Variants in FHIT observed in about 807,000 individuals in gnomAD.
The protein encoded by FHIT is fragile histidine triad diadenosine triphosphatase, also known as bis(5'-adenosyl)-triphosphatase.
FHIT carries 19 observed loss-of-function variants against 17.9 expected under a neutral mutation model. The ratio of observed to expected loss-of-function variants is 1.06; its 90% CI spans 0.74 to 1.56. The LOEUF (loss-of-function observed/expected upper bound fraction) is 1.56, where lower values mean the gene tolerates loss of function less well. FHIT is among the 40% of genes most tolerant of loss of function. FHIT has a pLI of 0.00. For missense variants in FHIT, 248 were observed against 189.2 expected (o/e 1.31, Z -1.82); for synonymous variants, 81 against 69.7 (o/e 1.16, Z -0.81).
intron 3 of FHIT, among the ~76,000 whole-genome samples, chr3:60,862,728 T>C (rs1409116665): frequency 6.6e-6 from 1 of 151,914 alleles, no homozygotes; most frequent in Non-Finnish European, 1.5e-5. Flanking sequence ...GGTGAGTGCC[T>C]GTAATCCCAG....
intron 8 of FHIT, among the ~76,000 whole-genome samples, chr3:59,899,288 T>C (rs1704216460): frequency 6.6e-6 from 1 of 152,176 alleles, no homozygotes. Flanking sequence ...TGGAAAATGA[T>C]CTCATCTGAG....
chr3:60,028,035 T>C (rs541280248), intron 5 of FHIT, among the ~76,000 whole-genome samples: 2 of 152,334 alleles, frequency 1.3e-5, no homozygotes, highest in South Asian at 2.1e-4. Context: ...TAATCACTTG[T>C]AGCTAGTAGC....
intron 3 of FHIT, among the ~76,000 whole-genome samples, chr3:60,833,898 C>A (rs1474557021): frequency 1.3e-5 from 2 of 152,112 alleles, no homozygotes; most frequent in Non-Finnish European, 2.9e-5. Context: ...AGTGTGTAAT[C>A]TTTTGGTTTT....
intron 7 of FHIT, among the ~76,000 whole-genome samples, chr3:59,984,277 G>A (rs187852134): frequency 4.6e-5 from 7 of 152,066 alleles, no homozygotes; most frequent in African/African-American, 1.7e-4. Context: ...TTTGAGAGAT[G>A]GGCCCAGGAA....
intron 4 of FHIT, among the ~76,000 whole-genome samples, chr3:60,733,544 C>CCA (rs1553711849): frequency 6.6e-6 from 1 of 152,098 alleles, no homozygotes; most frequent in Non-Finnish European, 1.5e-5. Context: ...ACCACTACAC[C>CCA]CACCTCAACC....
chr3:60,795,527 A>T (rs6809918), intron 4 of FHIT, among the ~76,000 whole-genome samples: 1 of 148,730 alleles, frequency 6.7e-6, no homozygotes, highest in African/African-American at 2.5e-5. Context: ...TTTTTAAGAC[A>T]GGGTCTTACT....
At chr3:61,091,998 G>T (rs1040081299) in intron 2 of FHIT, among the ~76,000 whole-genome samples, 9 of 147,890 alleles carry the variant, frequency 6.1e-5, no homozygotes, top group Non-Finnish European at 1.0e-4. Flanking sequence ...GGAATTCATG[G>T]TCAGTTAGTT....
chr3:60,727,666 A>G (rs1465508977), intron 4 of FHIT, among the ~76,000 whole-genome samples: 2 of 152,236 alleles, frequency 1.3e-5, no homozygotes, highest in African/African-American at 4.8e-5. Context: ...TATTTTATCA[A>G]TTAAAACTTG....
intron 5 of FHIT, among the ~76,000 whole-genome samples, chr3:60,138,208 G>T (rs1559668256): frequency 6.6e-6 from 1 of 152,114 alleles, no homozygotes; most frequent in Non-Finnish European, 1.5e-5. Context: ...GTCAGAAGTT[G>T]CAAAACTCTG....
At chr3:59,753,779 G>A (rs1244519362) in intron 8 of FHIT, among the ~76,000 whole-genome samples, 1 of 152,132 alleles carries the variant, frequency 6.6e-6, no homozygotes, top group African/African-American at 2.4e-5. Context: ...AGGAAACTGA[G>A]TTCTGAGGAA....
At chr3:60,833,185 A>G (rs1553743020) in intron 3 of FHIT, among the ~76,000 whole-genome samples, 1 of 152,126 alleles carries the variant, frequency 6.6e-6, no homozygotes, top group East Asian at 1.9e-4. Flanking sequence ...CCCGATTTTC[A>G]TCATTATACC....
At chr3:60,356,833 T>G (rs1699688930) in intron 5 of FHIT, among the ~76,000 whole-genome samples, 1 of 141,516 alleles carries the variant, frequency 7.1e-6, no homozygotes, top group African/African-American at 2.7e-5. Context: ...TAATTCTACC[T>G]CAAATACTTC....
At chr3:59,854,322 C>A (rs764112036) in intron 8 of FHIT, among the ~76,000 whole-genome samples, 6 of 152,162 alleles carry the variant, frequency 3.9e-5, no homozygotes, top group South Asian at 2.1e-4. Flanking sequence ...ACACGTGTCA[C>A]TGAACACAAA....
intron 8 of FHIT, among the ~76,000 whole-genome samples, chr3:59,794,887 C>G (rs1004797855): frequency 6.6e-6 from 1 of 152,184 alleles, no homozygotes; most frequent in African/African-American, 2.4e-5. Flanking sequence ...CGTATAGACT[C>G]TGCAGTTAAA....
At chr3:60,624,823 G>A (rs2039236300) in intron 4 of FHIT, among the ~76,000 whole-genome samples, 2 of 151,808 alleles carry the variant, frequency 1.3e-5, no homozygotes, top group Admixed American at 6.6e-5. Flanking sequence ...TTTTTTACAA[G>A]ATGATATTGA....
intron 4 of FHIT, among the ~76,000 whole-genome samples, chr3:60,646,016 T>C (rs1217208619): frequency 6.6e-6 from 1 of 152,222 alleles, no homozygotes; most frequent in African/African-American, 2.4e-5. Context: ...AACTAGCTAT[T>C]GGTGACATTC....
At position 60,913,073 on chromosome 3, in the gene FHIT, A is replaced by G. The variant is rs1419600729; in HGVS notation, c.-110-91062T>C. On this transcript the variant is annotated intron_variant, in intron 3 of 9. Transcript: ENST00000492590. ...GCACTCTGTAGGTGAAAGCATTGCC[A>G]TGATTAATGATTGCCACAAAGCATC... 2.0e-5 allele frequency among the ~76,000 whole-genome samples: 3 copies of G among 152,238 alleles called. No homozygotes were observed. In the East Asian group the frequency reaches 5.8e-4, roughly 29 times the overall value.
At chr3:60,769,984 G>A (rs1553722629) in intron 4 of FHIT, among the ~76,000 whole-genome samples, 1 of 152,200 alleles carries the variant, frequency 6.6e-6, no homozygotes, top group East Asian at 1.9e-4. Context: ...TGAGTAAAAA[G>A]GGAGTTATTG....
intron 5 of FHIT, among the ~76,000 whole-genome samples, chr3:60,341,735 A>G (rs1710524788): frequency 6.6e-6 from 1 of 152,092 alleles, no homozygotes; most frequent in African/African-American, 2.4e-5. Flanking sequence ...AACTTAACAG[A>G]TGTTACAGTG....
Sources: allele counts gnomAD v4.1 joint callset (sites outside exome capture counted in the v4.1 genomes callset), GRCh38; gene constraint gnomAD v4.1.1; transcripts MANE v1.5; gene names NCBI Gene and HGNC (gene_info 2026-07-23, HGNC 2026-07-21).